HERC3: variants seen among roughly 807,000 people sequenced by gnomAD.
HERC3 encodes HECT and RLD domain containing E3 ubiquitin protein ligase 3.
HERC3 carries 58 observed loss-of-function variants against 129.9 expected under a neutral mutation model. That is an observed-to-expected ratio of 0.45 (90% confidence interval 0.36 to 0.56). The LOEUF (loss-of-function observed/expected upper bound fraction) is 0.56, where lower values mean the gene tolerates loss of function less well. Ranked by LOEUF, HERC3 falls within the 20% of genes least tolerant of loss-of-function variation. The pLI is 0.00. For missense variants in HERC3, 835 were observed against 1,244.2 expected, an observed-to-expected ratio of 0.67 and a Z score of 4.95; for synonymous variants, 430 against 451.0, an observed-to-expected ratio of 0.95 and a Z score of 0.59.
At chr4:88,658,254 A>T (rs1450385769) in intron 9 of HERC3, 161 bp from the exon 10 acceptor site, 1 of 422,368 alleles carries the variant, frequency 2.4e-6, no homozygotes, top group Non-Finnish European at 4.2e-6. Flanking sequence ...AAGTAGAAAC[A>T]GTCCTAGGCA....
chr4:88,530,007 C>A, the HERC3 span, among the ~76,000 whole-genome samples: 1,158 of 152,068 alleles, frequency 7.6e-3, 14 homozygotes, highest in African/African-American at 0.026. Flanking sequence ...AGATGCTATT[C>A]CAGCTGAGTG....
At chr4:88,676,017 A>T (rs1008071515) in intron 16 of HERC3, among the ~76,000 whole-genome samples, 2 of 152,162 alleles carry the variant, frequency 1.3e-5, no homozygotes, top group African/African-American at 2.4e-5. Flanking sequence ...AATGTTTTTT[A>T]ATTGCTTTTG....
chr4:88,699,436 G>A (rs1735121816), intron 23 of HERC3, among the ~76,000 whole-genome samples: 1 of 129,926 alleles, frequency 7.7e-6, no homozygotes, highest in Admixed American at 8.0e-5. Context: ...TCCCCCAACC[G>A]TCTTCTTTAC....
At chr4:88,689,940 AT>A (rs111786692) in intron 23 of HERC3, 48,850 of 821,822 alleles carry the variant, frequency 0.059, 1,297 homozygotes, top group African/African-American at 0.16. Flanking sequence ...TTCATTAACC[AT>A]TTTTTTTTTG....
chr4:88,579,232 A>AAAATATATATATATATAT, the HERC3 span, among the ~76,000 whole-genome samples: 1 of 104,096 alleles, frequency 9.6e-6, no homozygotes, highest in Non-Finnish European at 1.7e-5. Context: ...AAAAAAAAAA[A>AAAATATATATATATATAT]ATATATATAT....
At chr4:88,566,700 G>C in the HERC3 span, among the ~76,000 whole-genome samples, 1 of 152,158 alleles carries the variant, frequency 6.6e-6, no homozygotes, top group Non-Finnish European at 1.5e-5. Flanking sequence ...AAAACCCTCA[G>C]CTTTTGTTTG....
chr4:88,591,432 A>G (rs1041973190), upstream of HERC3, among the ~76,000 whole-genome samples: 3 of 152,164 alleles, frequency 2.0e-5, no homozygotes, highest in African/African-American at 7.2e-5. Context: ...GGTTCTCAGG[A>G]CGAGCGATTG....
the HERC3 span, among the ~76,000 whole-genome samples, chr4:88,581,914 G>C: frequency 2.0e-5 from 3 of 152,052 alleles, no homozygotes; most frequent in Non-Finnish European, 4.4e-5. Context: ...TCAAAGACTA[G>C]TTGAGACATA....
chr4:88,682,829 T>G (rs528740483), intron 21 of HERC3, among the ~76,000 whole-genome samples: 1 of 151,950 alleles, frequency 6.6e-6, no homozygotes, highest in Admixed American at 6.5e-5. Context: ...ATCCTTTGGG[T>G]ATATACCCAG....
the HERC3 span, among the ~76,000 whole-genome samples, chr4:88,555,613 G>A: frequency 6.6e-6 from 1 of 152,162 alleles, no homozygotes; most frequent in Non-Finnish European, 1.5e-5. Flanking sequence ...AAGGTATTTT[G>A]TGTATTTATT....
the HERC3 span, among the ~76,000 whole-genome samples, chr4:88,572,740 C>T: frequency 1.3e-4 from 20 of 150,224 alleles, no homozygotes; most frequent in African/African-American, 3.4e-4. Flanking sequence ...ACTCAGGAGG[C>T]GGAGGTTGCA....
Position 88,699,939 on chromosome 4 carries a change from T to G in HERC3, c.2658-4159T>G, listed in dbSNP as rs80172793. The stretch of plus-strand genomic sequence containing the variant: ...TGTAAGCACTGTAGTAATCAAGATA[T>G]AGAACAGTAAATAGTCCCCTAAAAG... On this transcript the variant is annotated intron_variant, in intron 23 of 25. Coordinates refer to ENST00000402738, the MANE Select transcript of HERC3 (RefSeq NM_014606.3). Among the ~76,000 whole-genome samples the G allele has an allele frequency of 4.3e-3, 649 of 152,272 alleles. 9 individuals are homozygous for G. The highest frequency in any genetic ancestry group is 0.015 in the African/African-American group (616 of 41,556).
At chr4:88,699,334 G>GCTTCTTCTCCACCCCCCCACC (rs1320555663) in intron 23 of HERC3, among the ~76,000 whole-genome samples, 1 of 16,632 alleles carries the variant, frequency 6.0e-5, no homozygotes, top group Non-Finnish European at 9.2e-5. Context: ...ACCCACCCAC[G>GCTTCTTCTCCACCCCCCCACC]CAGCCCCACC....
intron 20 of HERC3, 31 bp downstream of exon 20, chr4:88,680,267 G>A (rs1732622592): frequency 4.6e-6 from 7 of 1,516,332 alleles, no homozygotes; most frequent in East Asian, 2.4e-5. Flanking sequence ...TTAAACAGAT[G>A]GATTAAATTA....
At chr4:88,549,478 T>C in the HERC3 span, among the ~76,000 whole-genome samples, 1 of 152,196 alleles carries the variant, frequency 6.6e-6, no homozygotes, top group South Asian at 2.1e-4. Context: ...TTCCCCTTTA[T>C]GGAGTCCCCA....
intron 2 of HERC3, 71 bp from the exon 3 acceptor site, chr4:88,605,724 C>A: frequency 1.2e-6 from 1 of 838,740 alleles, no homozygotes; most frequent in Non-Finnish European, 1.9e-6. Context: ...AAATTGGTTA[C>A]ATTCATTACT....
chr4:88,565,476 T>A, the HERC3 span, among the ~76,000 whole-genome samples: 4 of 152,200 alleles, frequency 2.6e-5, no homozygotes, highest in African/African-American at 9.6e-5. Flanking sequence ...GACCCCTTTA[T>A]CATTATACAA....
intron 23 of HERC3, among the ~76,000 whole-genome samples, chr4:88,687,827 A>C (rs1485014099): frequency 6.6e-6 from 1 of 152,236 alleles, no homozygotes; most frequent in East Asian, 1.9e-4. Context: ...CTGGATCATA[A>C]CAACAAATTC....
the HERC3 span, chr4:88,528,319 A>C: frequency 6.6e-6 from 1 of 152,516 alleles, no homozygotes; most frequent in South Asian, 2.1e-4. Flanking sequence ...ACAGCCAGAA[A>C]ATAAGGTGTT....
Sources: allele counts gnomAD v4.1 joint callset (sites outside exome capture counted in the v4.1 genomes callset), GRCh38; gene constraint gnomAD v4.1.1; transcripts MANE v1.5; gene names NCBI Gene and HGNC (gene_info 2026-07-23, HGNC 2026-07-21).